The following NOVA2 variants were observed in gnomAD, a reference collection of about 807,000 sequenced individuals.
NOVA2 encodes the protein RNA-binding protein Nova-2.
In NOVA2, 9 loss-of-function variants were observed where a neutral mutation model predicts 22.5. The ratio of observed to expected loss-of-function variants is 0.40; its 90% CI spans 0.24 to 0.70. The LOEUF is 0.70. NOVA2 is among the 30% of genes least tolerant of loss of function. The probability of loss-of-function intolerance (pLI) is 0.38; values close to 1 mark genes in which losing one functional copy is unlikely to be tolerated. For synonymous variants in NOVA2, 318 were observed against 335.2 expected, an observed-to-expected ratio of 0.95 and a Z score of 0.56; for missense variants, 383 against 682.8, an observed-to-expected ratio of 0.56 and a Z score of 4.89.
chr19:45,952,285 A>G (rs1967937695), intron 3 of NOVA2, among the ~76,000 whole-genome samples: 1 of 152,234 alleles, frequency 6.6e-6, no homozygotes, highest in Non-Finnish European at 1.5e-5. Context: ...GAGGCATCAT[A>G]ATGAATCTCA....
At chr19:45,942,179 A>T (rs1349664871) in intron 3 of NOVA2, among the ~76,000 whole-genome samples, 2 of 152,212 alleles carry the variant, frequency 1.3e-5, no homozygotes, top group African/African-American at 4.8e-5. Context: ...TGTCCCCTTC[A>T]AATTCATATG....
intron 3 of NOVA2, among the ~76,000 whole-genome samples, chr19:45,943,712 T>A (rs1238079893): frequency 6.8e-6 from 1 of 147,408 alleles, no homozygotes. Context: ...AGTGAAACCC[T>A]GACTCAAAAA....
intron 2 of NOVA2, among the ~76,000 whole-genome samples, chr19:45,960,626 AG>A (rs1042517208): frequency 3.3e-5 from 5 of 151,810 alleles, no homozygotes; most frequent in Admixed American, 6.6e-5. Flanking sequence ...AGAATTCCAA[AG>A]GGGGGAGCAA....
At position 45,973,300 on chromosome 19, in the gene NOVA2, CG is replaced by C; in HGVS notation, c.51del (p.Glu18ArgfsTer18). The C allele has an allele frequency of 1.3e-5, 17 of 1,343,832 alleles. No individual in the cohort carries two copies. Among genetic ancestry groups the C allele is most frequent in the South Asian group, 1.1e-4 (5 of 46,176 alleles). 83.2% of individuals were successfully genotyped at this position (1,343,832 alleles called of 1,614,324 possible). A position where few individuals can be genotyped will look rare whatever the true frequency, so the allele number is the denominator to read the frequency against. On this transcript the variant is annotated frameshift_variant, in exon 1 of 4. Coordinates refer to ENST00000263257, the MANE Select transcript of NOVA2 (RefSeq NM_002516.4). LOFTEE classifies it high-confidence loss of function. ...DSRKRPLETP[P>X]EVVCTKRSNT... ...TTGCTGCGCTTGGTGCAGACCACCT[CG>C]GGGGGCGTTTCGAGGGGCCTCTTGC...
At position 45,940,252 on chromosome 19, in the gene NOVA2, C is replaced by G. The variant is rs1967726978; in HGVS notation, c.1090G>C (p.Gly364Arg). The change falls in exon 4 of 4, where the codon GGC (glycine) becomes CGC (arginine). Residue 364 changes from glycine to arginine, a missense_variant. This residue lies in a region of NOVA2 where 349 missense variants were observed against 578.1 expected (regional missense o/e 0.60). Coordinates refer to ENST00000263257, the MANE Select transcript of NOVA2 (RefSeq NM_002516.4). ...GSFALAAAAN[G>R]YLGAGAGGGA... ...CCGCCCGCCCCGGCCCCGAGGTAGC[C>G]GTTGGCGGCTGCGGCCAACGCAAAG... 9.2e-7 allele frequency: 1 copy of G among 1,089,322 alleles called. No individual in the cohort carries two copies. Among genetic ancestry groups the G allele is most frequent in the Non-Finnish European group, 1.1e-6 (1 of 900,848 alleles). 67.5% of individuals were successfully genotyped at this position (1,089,322 alleles called of 1,614,324 possible). A position where few individuals can be genotyped will look rare whatever the true frequency, so the allele number is the denominator to read the frequency against.
At chr19:45,949,745 T>G (rs1967895658) in intron 3 of NOVA2, among the ~76,000 whole-genome samples, 1 of 151,328 alleles carries the variant, frequency 6.6e-6, no homozygotes, top group African/African-American at 2.4e-5. Context: ...GGTTGTTTTT[T>G]TTTTTTTTTT....
chr19:45,956,138 C>A (rs543364926), intron 2 of NOVA2, among the ~76,000 whole-genome samples: 5 of 152,186 alleles, frequency 3.3e-5, no homozygotes, highest in East Asian at 1.9e-4. Flanking sequence ...CTTACTACCC[C>A]CCCTTCCCCA....
Position 45,953,874 on chromosome 19 carries a change from T to C in NOVA2, c.302A>G (p.Glu101Gly). 1 of 1,614,210 alleles carries C rather than the reference T, an allele frequency of 6.2e-7. No homozygotes were observed. Among genetic ancestry groups the C allele is most frequent in the African/African-American group, 1.3e-5 (1 of 75,060 alleles). Reference protein sequence around the residue: ...ALNAVHSFIAEKVREIPQAMT... With the variant: ...ALNAVHSFIAGKVREIPQAMT... Reference sequence around the variant, plus strand: ...CGCTTGTGGGATTTCTCGGACCTTCTCGGCAATAAAGCTGTGCACAGCATT... The same window carrying C: ...CGCTTGTGGGATTTCTCGGACCTTCCCGGCAATAAAGCTGTGCACAGCATT... The change falls in exon 3 of 4, where the codon GAG becomes GGG. Residue 101 changes from glutamate to glycine, a missense_variant. Transcript: ENST00000263257.
In NOVA2 at chr19:45,936,669, G is replaced by T. The variant is rs1037896696; in HGVS notation, c.*3194C>A. On this transcript the variant is annotated 3_prime_UTR_variant, in exon 4 of 4. Transcript: ENST00000263257. ...ATAGAGACAGGACAGAAAACAATGG[G>T]AACCACACGGAGGAAAAAAAAATAG... The T allele has an allele frequency of 6.6e-6, 1 of 151,462 alleles. No homozygotes were observed. Among genetic ancestry groups the T allele is most frequent in the Admixed American group, 6.6e-5 (1 of 15,196 alleles). 9.4% of individuals were successfully genotyped at this position (151,462 alleles called of 1,614,324 possible). A position where few individuals can be genotyped will look rare whatever the true frequency, so the allele number is the denominator to read the frequency against.
chr19:45,971,923 C>A (rs952329329), intron 1 of NOVA2, among the ~76,000 whole-genome samples: 1 of 152,052 alleles, frequency 6.6e-6, no homozygotes, highest in South Asian at 2.1e-4. Context: ...ACACACACCT[C>A]CTTGGGTCAC....
At position 45,935,734 on chromosome 19, in the gene NOVA2, C is replaced by G. The variant is rs1967644548; in HGVS notation, c.*4129G>C. On this transcript the variant is annotated 3_prime_UTR_variant, in exon 4 of 4. Transcript: ENST00000263257. Reference sequence around the variant, plus strand: ...ATTCAGGGGGACTCCTCTCATTTTCCAAACAATTGGCCACCAATCAAAACA... The same window carrying G: ...ATTCAGGGGGACTCCTCTCATTTTCGAAACAATTGGCCACCAATCAAAACA... The G allele has an allele frequency of 6.6e-6, 1 of 152,302 alleles. No individual in the cohort carries two copies. Among genetic ancestry groups the G allele is most frequent in the Admixed American group, 6.5e-5 (1 of 15,284 alleles). The allele number at this position is 152,302 out of a possible 1,614,324, so 9.4% of individuals were successfully genotyped here.
At chr19:45,950,164 CTTTT>C (rs61551112) in intron 3 of NOVA2, among the ~76,000 whole-genome samples, 3 of 132,676 alleles carry the variant, frequency 2.3e-5, no homozygotes, top group East Asian at 4.4e-4. Context: ...TGGAAACATT[CTTTT>C]TTTTTTTTTT....
chr19:45,955,864 A>C (rs1967997825), intron 2 of NOVA2, among the ~76,000 whole-genome samples: 1 of 152,054 alleles, frequency 6.6e-6, no homozygotes, highest in South Asian at 2.1e-4. Context: ...CTCAAAAAAA[A>C]AACAAAAAAA....
intron 1 of NOVA2, among the ~76,000 whole-genome samples, chr19:45,970,262 A>G (rs1443401914): frequency 2.6e-5 from 4 of 152,326 alleles, no homozygotes; most frequent in South Asian, 2.1e-4. Flanking sequence ...AGCCATTATT[A>G]TAACTGATTA....
chr19:45,947,268 G>C (rs545587777), intron 3 of NOVA2, among the ~76,000 whole-genome samples: 1 of 152,024 alleles, frequency 6.6e-6, no homozygotes, highest in Non-Finnish European at 1.5e-5. Context: ...AAGGGTGAGC[G>C]AATAAATAGA....
chr19:45,941,328 AT>A (rs398059768), intron 3 of NOVA2, among the ~76,000 whole-genome samples: 2 of 150,110 alleles, frequency 1.3e-5, no homozygotes, highest in African/African-American at 2.4e-5. Flanking sequence ...ATATATATAT[AT>A]AATTTTGTCT....
chr19:45,963,062 G>A (rs1187243305), intron 1 of NOVA2, among the ~76,000 whole-genome samples: 1 of 152,016 alleles, frequency 6.6e-6, no homozygotes, highest in Non-Finnish European at 1.5e-5. Context: ...TGGAAATTCT[G>A]GACACTTCTC....
At chr19:45,972,789 G>A (rs1311826987) in intron 1 of NOVA2, among the ~76,000 whole-genome samples, 1 of 151,972 alleles carries the variant, frequency 6.6e-6, no homozygotes, top group African/African-American at 2.4e-5. Context: ...CCCCACGCAC[G>A]ATCCGGCCAG....
intron 1 of NOVA2, among the ~76,000 whole-genome samples, chr19:45,963,392 T>G (rs982544255): frequency 1.3e-5 from 2 of 151,684 alleles, no homozygotes; most frequent in Non-Finnish European, 2.9e-5. Flanking sequence ...CACCCACCTT[T>G]CCAGCTTCAC....
Sources: allele counts gnomAD v4.1 joint callset (sites outside exome capture counted in the v4.1 genomes callset), GRCh38; gene constraint gnomAD v4.1.1; regional missense constraint gnomAD v4.1.1; transcripts MANE v1.5; gene names NCBI Gene and HGNC (gene_info 2026-07-23, HGNC 2026-07-21).